PLA2G5: variants seen among roughly 807,000 people sequenced by gnomAD.
The protein encoded by PLA2G5 is Ca2+-dependent phospholipase A2.
PLA2G5 carries 12 observed loss-of-function variants against 15.9 expected under a neutral mutation model. That is an observed-to-expected ratio of 0.76 (90% CI 0.48 to 1.23). The LOEUF (loss-of-function observed/expected upper bound fraction) is 1.23, where lower values mean the gene tolerates loss of function less well. Ranked by LOEUF, PLA2G5 falls within the 50% of genes most tolerant of loss-of-function variation. The pLI is 0.00. For missense variants in PLA2G5, 169 were observed against 177.1 expected, an observed-to-expected ratio of 0.95 and a Z score of 0.26; for synonymous variants, 71 against 71.4, an observed-to-expected ratio of 0.99 and a Z score of 0.03.
chr1:20,085,980 C>T (rs2016266549), intron 2 of PLA2G5, 103 bp from the exon 3 acceptor site: 2 of 1,218,430 alleles, frequency 1.6e-6, no homozygotes, highest in Non-Finnish European at 1.2e-6. Flanking sequence ...ATGCAGGTCC[C>T]TCCAAGCCCT....
intron 1 of PLA2G5, among the ~76,000 whole-genome samples, chr1:20,029,350 C>CGTTCCTCCGCTGACAG (rs1557718721): frequency 6.7e-6 from 1 of 149,646 alleles, no homozygotes; most frequent in Non-Finnish European, 1.5e-5. Flanking sequence ...TCCCCTGATA[C>CGTTCCTCCGCTGACAG]GTTCCTCCGC....
intron 1 of PLA2G5, among the ~76,000 whole-genome samples, chr1:20,051,812 C>A (rs979978261): frequency 2.0e-5 from 3 of 152,144 alleles, no homozygotes; most frequent in Non-Finnish European, 2.9e-5. Context: ...TACAGGGTTC[C>A]TGACCTGAGG....
At chr1:20,029,330 C>T (rs818672) in intron 1 of PLA2G5, among the ~76,000 whole-genome samples, 27,531 of 147,148 alleles carry the variant, frequency 0.19, 2,570 homozygotes, top group African/African-American at 0.22. Flanking sequence ...TCCAGCCACC[C>T]GTGTGTTCCT....
chr1:20,039,401 C>T (rs1425478922), intron 1 of PLA2G5, among the ~76,000 whole-genome samples: 3 of 152,108 alleles, frequency 2.0e-5, no homozygotes, highest in Non-Finnish European at 4.4e-5. Context: ...ATATCTGGCC[C>T]AGTAATGTTC....
chr1:20,083,527 C>G (rs2016135778), intron 1 of PLA2G5, among the ~76,000 whole-genome samples: 1 of 151,860 alleles, frequency 6.6e-6, no homozygotes, highest in South Asian at 2.1e-4. Flanking sequence ...GGCAATCAGG[C>G]AGCTGCCGGC....
chr1:20,029,380 CATGTTCCTCCGCTGAT>C (rs1177675762), intron 1 of PLA2G5, among the ~76,000 whole-genome samples: 51 of 149,540 alleles, frequency 3.4e-4, no homozygotes, highest in Middle Eastern at 3.4e-3. Flanking sequence ...CCTCCGCTGA[CATGTTCCTCCGCTGAT>C]ATGTTCCTCC....
rs558751694 is a variant in PLA2G5, at chr1:20,074,478, G to A, written c.-11+4013G>A. ...AAAACATTTTTTACAGGATAGAACC[G>A]AGGCTTCATAACTGACGAAGCTGAC... On this transcript the variant is annotated intron_variant, in intron 1 of 4. Transcript: ENST00000375108. 3.3e-5 allele frequency among the ~76,000 whole-genome samples: 5 copies of A among 152,304 alleles called. No homozygotes were observed. The South Asian group carries it at 8.3e-4, about 25-fold the overall frequency.
At chr1:20,041,154 G>A (rs944965303) in intron 1 of PLA2G5, among the ~76,000 whole-genome samples, 4 of 152,200 alleles carry the variant, frequency 2.6e-5, no homozygotes, top group Non-Finnish European at 5.9e-5. Context: ...ACCACAAAGG[G>A]ATTCTGAGTG....
At chr1:20,037,934 G>A (rs968614884) in intron 1 of PLA2G5, among the ~76,000 whole-genome samples, 1 of 152,118 alleles carries the variant, frequency 6.6e-6, no homozygotes, top group Non-Finnish European at 1.5e-5. Flanking sequence ...CAATGGCTGT[G>A]GGGGATAGGG....
chr1:20,041,716 T>A (rs2013611203), intron 1 of PLA2G5, among the ~76,000 whole-genome samples: 1 of 152,228 alleles, frequency 6.6e-6, no homozygotes, highest in South Asian at 2.1e-4. Flanking sequence ...AATGAGCCTG[T>A]GAGGCTGGAA....
At chr1:20,072,978 A>C (rs2015464198) in intron 1 of PLA2G5, among the ~76,000 whole-genome samples, 1 of 152,150 alleles carries the variant, frequency 6.6e-6, no homozygotes, top group Non-Finnish European at 1.5e-5. Context: ...AAAATTGCTC[A>C]AGAAAGATTT....
chr1:20,060,772 T>C (rs555022820), intron 2 of PLA2G5, among the ~76,000 whole-genome samples: 1 of 151,338 alleles, frequency 6.6e-6, no homozygotes, highest in Non-Finnish European at 1.5e-5. Context: ...TTTGGTCTTG[T>C]TGCCCAGGCT....
upstream of PLA2G5, chr1:20,070,068 G>A (rs992758338): frequency 5.8e-6 from 2 of 344,670 alleles, no homozygotes; most frequent in South Asian, 1.2e-4. Flanking sequence ...GGCTAAAGCC[G>A]TGACCTGGAT....
chr1:20,038,541 G>T (rs1176923808), intron 1 of PLA2G5, among the ~76,000 whole-genome samples: 1 of 152,140 alleles, frequency 6.6e-6, no homozygotes, highest in African/African-American at 2.4e-5. Flanking sequence ...TGTAATCCCA[G>T]CACTTTGAGA....
chr1:20,063,848 G>A lies in PLA2G5; in HGVS notation n.337+4156G>A, dbSNP rs138573860. Among the ~76,000 whole-genome samples, 221 of 152,274 alleles carry A rather than the reference G, an allele frequency of 1.5e-3. 1 individual carries two copies. Among genetic ancestry groups the A allele is most frequent in the African/African-American group, 4.9e-3 (204 of 41,536 alleles). On this transcript the variant is annotated intron_variant and non_coding_transcript_variant, in intron 2 of 6. Transcript: ENST00000460175. ...CGGTGCCCTAGCTATCAGGGAACAC[G>A]AAATCTGTCCAGTGCAACCACCTTC...
chr1:20,071,405 T>C (rs763224732), intron 1 of PLA2G5, among the ~76,000 whole-genome samples: 1 of 152,158 alleles, frequency 6.6e-6, no homozygotes, highest in Non-Finnish European at 1.5e-5. Context: ...TGTTGATTGA[T>C]TTCATCAATA....
At chr1:20,052,637 T>A (rs1250778408) in intron 1 of PLA2G5, among the ~76,000 whole-genome samples, 2 of 152,174 alleles carry the variant, frequency 1.3e-5, no homozygotes, top group African/African-American at 4.8e-5. Flanking sequence ...CAGGAATCCA[T>A]GAGTAATCAG....
At position 20,090,596 on chromosome 1, in the gene PLA2G5, C is replaced by G. The variant is rs370385685; in HGVS notation, c.321C>G (p.Leu107=). 114 of 1,614,002 alleles carry G rather than the reference C, an allele frequency of 7.1e-5. No homozygotes were observed. Among genetic ancestry groups the G allele is most frequent in the Admixed American group, 1.3e-4 (8 of 60,008 alleles). The change falls in exon 5 of 5, where the codon CTC becomes CTG. Residue 107 remains leucine (L), a synonymous_variant. Transcript: ENST00000375108. ...CEPGPFCHVN[L]CACDRKLVYC... ...CCGGGCCCTTCTGCCATGTGAACCT[C>G]TGTGCCTGTGACCGGAAGCTCGTCT...
chr1:20,086,314 A>G, intron 3 of PLA2G5, 87 bp downstream of exon 3: 1 of 1,361,448 alleles, frequency 7.3e-7, no homozygotes, highest in South Asian at 1.3e-5. Flanking sequence ...CTGGAAGATG[A>G]GTATTAAAGT....
Sources: allele counts gnomAD v4.1 joint callset (sites outside exome capture counted in the v4.1 genomes callset), GRCh38; gene constraint gnomAD v4.1.1; transcripts MANE v1.5; gene names NCBI Gene and HGNC (gene_info 2026-07-23, HGNC 2026-07-21).